Variants in LRRC4C observed in about 807,000 individuals in gnomAD.
LRRC4C encodes leucine rich repeat containing 4C, also known as leucine-rich repeat-containing protein 4C.
A neutral mutation model predicts 33.6 loss-of-function variants in LRRC4C; 5 were observed. That is an observed-to-expected ratio of 0.15 (90% CI 0.08 to 0.31). The LOEUF is 0.31. Ranked by LOEUF, LRRC4C falls within the 10% of genes least tolerant of loss-of-function variation. The pLI is 1.00. For missense variants in LRRC4C, 560 were observed against 796.7 expected, an observed-to-expected ratio of 0.70 and a Z score of 3.58; for synonymous variants, 329 against 302.0, an observed-to-expected ratio of 1.09 and a Z score of -0.93.
chr11:40,321,028 A>C (rs753791564), intron 3 of LRRC4C, among the ~76,000 whole-genome samples: 3 of 152,196 alleles, frequency 2.0e-5, no homozygotes, highest in Non-Finnish European at 4.4e-5. Flanking sequence ...TTTATTTTTA[A>C]CTCAAAAGAT....
intron 1 of LRRC4C, among the ~76,000 whole-genome samples, chr11:41,089,180 T>A (rs1052402035): frequency 6.6e-6 from 1 of 152,080 alleles, no homozygotes; most frequent in Non-Finnish European, 1.5e-5. Flanking sequence ...ACAGAGTTTC[T>A]TGTTCACTTT....
At chr11:40,798,924 G>T (rs1331619125) in intron 2 of LRRC4C, among the ~76,000 whole-genome samples, 1 of 152,076 alleles carries the variant, frequency 6.6e-6, no homozygotes, top group African/African-American at 2.4e-5. Context: ...GATTACGAGC[G>T]TGAGCCACCA....
chr11:40,856,843 C>T (rs962376861), intron 2 of LRRC4C, among the ~76,000 whole-genome samples: 3 of 152,144 alleles, frequency 2.0e-5, no homozygotes, highest in African/African-American at 7.2e-5. Context: ...CAATCACATT[C>T]TAGTGTTTTT....
chr11:40,749,481 A>G (rs1948584680), intron 2 of LRRC4C, among the ~76,000 whole-genome samples: 1 of 151,014 alleles, frequency 6.6e-6, no homozygotes, highest in African/African-American at 2.4e-5. Context: ...AAACCCTATA[A>G]TAAGCAGGAA....
intron 1 of LRRC4C, among the ~76,000 whole-genome samples, chr11:41,254,213 C>T (rs1948729207): frequency 6.6e-6 from 1 of 151,998 alleles, no homozygotes; most frequent in Non-Finnish European, 1.5e-5. Flanking sequence ...AGGCATTTTA[C>T]TTATTTAGGT....
chr11:40,345,867 A>C lies in LRRC4C; in HGVS notation c.-269-26146T>G, dbSNP rs796315486. Among the ~76,000 whole-genome samples, 4 of 130,328 alleles carry C rather than the reference A, an allele frequency of 3.1e-5. No homozygotes were observed. In the East Asian group the frequency reaches 1.0e-3, roughly 33 times the overall value. 85.5% of individuals were successfully genotyped at this position (130,328 alleles called of 152,430 possible). On this transcript the variant is annotated intron_variant, in intron 3 of 6. Transcript: ENST00000528697. ...CAAATTCACAAGGAAAAACCAAACA[A>C]CACCATTAAAAAGTGGGCAAATATA...
chr11:40,926,682 TA>T (rs1176592010), intron 2 of LRRC4C, among the ~76,000 whole-genome samples: 3 of 151,646 alleles, frequency 2.0e-5, no homozygotes, highest in Non-Finnish European at 4.4e-5. Flanking sequence ...ATACTTTTTT[TA>T]AAATTATACT....
intron 3 of LRRC4C, among the ~76,000 whole-genome samples, chr11:40,412,236 A>G (rs1950181195): frequency 6.6e-6 from 1 of 152,104 alleles, no homozygotes; most frequent in Non-Finnish European, 1.5e-5. Flanking sequence ...AATGGTACAT[A>G]ATAAGCTTTA....
chr11:40,344,706 G>A (rs1346231923), intron 3 of LRRC4C, among the ~76,000 whole-genome samples: 4 of 152,052 alleles, frequency 2.6e-5, no homozygotes, highest in Non-Finnish European at 5.9e-5. Flanking sequence ...AAGAGAGAAA[G>A]TCAAACTACC....
chr11:40,304,917 A>C (rs959795540), intron 4 of LRRC4C, among the ~76,000 whole-genome samples: 1 of 152,074 alleles, frequency 6.6e-6, no homozygotes, highest in African/African-American at 2.4e-5. Flanking sequence ...GGTGCGTGCC[A>C]CCATGTCCAG....
intron 2 of LRRC4C, among the ~76,000 whole-genome samples, chr11:40,884,840 T>C (rs936452951): frequency 6.6e-6 from 1 of 151,986 alleles, no homozygotes; most frequent in Non-Finnish European, 1.5e-5. Flanking sequence ...ATCTATCCCA[T>C]GGAACTGGAG....
intron 1 of LRRC4C, among the ~76,000 whole-genome samples, chr11:41,295,042 T>C (rs938424870): frequency 6.6e-6 from 1 of 152,228 alleles, no homozygotes; most frequent in African/African-American, 2.4e-5. Context: ...GCATGAGTCA[T>C]ATGTATTCAA....
chr11:41,137,312 A>G (rs1231759908), intron 1 of LRRC4C, among the ~76,000 whole-genome samples: 1 of 152,126 alleles, frequency 6.6e-6, no homozygotes, highest in Non-Finnish European at 1.5e-5. Flanking sequence ...AGACCATCAC[A>G]GATCAAATCC....
At chr11:40,720,977 T>C (rs1001067040) in intron 2 of LRRC4C, among the ~76,000 whole-genome samples, 9 of 152,282 alleles carry the variant, frequency 5.9e-5, no homozygotes, top group Non-Finnish European at 1.0e-4. Flanking sequence ...CTATTCATTA[T>C]AGGAAGTGAA....
chr11:40,201,966 AC>A (rs1862785641), intron 5 of LRRC4C, among the ~76,000 whole-genome samples: 1 of 152,152 alleles, frequency 6.6e-6, no homozygotes, highest in South Asian at 2.1e-4. Context: ...GGCCAAATTA[AC>A]ATATAATTTT....
chr11:41,034,952 CT>C lies in LRRC4C; in HGVS notation c.-495-101230del, dbSNP rs369001564. 4.8e-3 allele frequency among the ~76,000 whole-genome samples: 715 copies of C among 148,192 alleles called. 5 individuals are homozygous for C. The highest frequency in any genetic ancestry group is 0.016 in the African/African-American group (663 of 40,194). Reference sequence around the variant, plus strand: ...TTGGGGGTCGTTGGTATTTTATTTACTTTATTTTATTTTTTGTTGTTATGTT... The same window carrying C: ...TTGGGGGTCGTTGGTATTTTATTTACTTATTTTATTTTTTGTTGTTATGTT... On this transcript the variant is annotated intron_variant, in intron 1 of 6. Transcript: ENST00000528697.
chr11:40,152,624 C>T (rs1458656176), intron 5 of LRRC4C, among the ~76,000 whole-genome samples: 1 of 152,114 alleles, frequency 6.6e-6, no homozygotes, highest in Non-Finnish European at 1.5e-5. Context: ...TGAGACCGGC[C>T]CTTCAGTTTG....
At chr11:40,677,901 C>T (rs1030759369) in intron 2 of LRRC4C, among the ~76,000 whole-genome samples, 2 of 152,024 alleles carry the variant, frequency 1.3e-5, no homozygotes, top group African/African-American at 4.8e-5. Flanking sequence ...CGGAGTTTTA[C>T]GTGCTATCTT....
chr11:41,104,775 C>T (rs1227629108), intron 1 of LRRC4C, among the ~76,000 whole-genome samples: 3 of 151,784 alleles, frequency 2.0e-5, no homozygotes, highest in Admixed American at 6.6e-5. Flanking sequence ...TAATATTTGT[C>T]AGGAATAAAG....
Sources: gnomAD v4.1 joint callset for allele counts (sites outside exome capture counted in the v4.1 genomes callset) on GRCh38, gnomAD v4.1.1 for gene constraint, MANE v1.5 for transcripts, NCBI Gene and HGNC (gene_info 2026-07-23, HGNC 2026-07-21) for gene names.